PPFIA3: variants seen among roughly 807,000 people sequenced by gnomAD.
The protein encoded by PPFIA3 is PPFI scaffold protein A3, also known as liprin-alpha-3.
A neutral mutation model predicts 145.8 loss-of-function variants in PPFIA3; 26 were observed. The ratio of observed to expected loss-of-function variants is 0.18; its 90% CI spans 0.13 to 0.25. PPFIA3 has a LOEUF of 0.25. PPFIA3 is among the 10% of genes least tolerant of loss of function. The probability of loss-of-function intolerance (pLI) is 1.00; values close to 1 mark genes in which losing one functional copy is unlikely to be tolerated. For missense variants in PPFIA3, 1,008 were observed against 1,587.8 expected (o/e 0.63, Z 6.21); for synonymous variants, 645 against 661.4 (o/e 0.98, Z 0.38).
At chr19:49,146,397 T>C in intron 23 of PPFIA3, 1 of 640,992 alleles carries the variant, frequency 1.6e-6, no homozygotes, top group Non-Finnish European at 2.7e-6. Flanking sequence ...GCCCAGACTG[T>C]TGCATAGTCA....
intron 21 of PPFIA3, among the ~76,000 whole-genome samples, chr19:49,143,910 G>C (rs947371129): frequency 2.0e-4 from 31 of 152,116 alleles, no homozygotes; most frequent in Admixed American, 1.6e-3. Context: ...ATATCTTGGG[G>C]ATGGGAGCCA....
chr19:49,125,251 G>C (rs2040983136), intron 1 of PPFIA3: 1 of 152,492 alleles, frequency 6.6e-6, no homozygotes, highest in South Asian at 2.1e-4. Flanking sequence ...ACGGCCCTCA[G>C]GCCCTCCTCT....
Position 49,128,288 on chromosome 19 carries a change from C to A in PPFIA3, c.241-79C>A. 1 of 1,555,596 alleles carries A rather than the reference C, an allele frequency of 6.4e-7. No homozygotes were observed. The highest frequency in any genetic ancestry group is 8.9e-7 in the Non-Finnish European group (1 of 1,128,746). On this transcript the variant is annotated intron_variant, in intron 2 of 29. Transcript: ENST00000334186. This position sits in a 1 kb window ranked among gnomAD's most constrained non-coding sequence, Gnocchi z 4.1. ...GACTTAGCAGGGAGGGCGGGACCTT[C>A]AAACTTCCAGTCCCAGTGAATGAAG...
chr19:49,144,096 C>T (rs2122635340), intron 21 of PPFIA3, among the ~76,000 whole-genome samples: 1 of 152,150 alleles, frequency 6.6e-6, no homozygotes, highest in African/African-American at 2.4e-5. Flanking sequence ...ACCTCTGCCT[C>T]CTGGGTGCAA....
At position 49,133,280 on chromosome 19, in the gene PPFIA3, C is replaced by T; in HGVS notation, c.1070C>T (p.Ala357Val). 1 of 1,610,382 alleles carries T rather than the reference C, an allele frequency of 6.2e-7. No individual in the cohort carries two copies. The highest frequency in any genetic ancestry group is 8.5e-7 in the Non-Finnish European group (1 of 1,178,844). The change falls in exon 9 of 30, where the codon GCC (alanine) becomes GTC (valine). Residue 357 changes from alanine (A) to valine (V), a missense_variant. This residue lies in a region of PPFIA3 where 109 missense variants were observed against 198.1 expected (regional missense o/e 0.55). Coordinates refer to ENST00000334186, the MANE Select transcript of PPFIA3 (RefSeq NM_003660.4). The surrounding 1 kb of genome is among the most constrained non-coding windows in gnomAD (Gnocchi z 7.2). Reference protein sequence around the residue: ...SRQLAEWLDDAKQKLQQTLQK... With the variant: ...SRQLAEWLDDVKQKLQQTLQK... ...CAGCTGGCCGAGTGGTTGGACGACGCCAAGCAGAAGCTGCAGCAGACGCTG... is the reference window on the plus strand; with the variant it reads ...CAGCTGGCCGAGTGGTTGGACGACGTCAAGCAGAAGCTGCAGCAGACGCTG...
At position 49,148,264 on chromosome 19, in the gene PPFIA3, G is replaced by T. The variant is rs773603609; in HGVS notation, c.3011+6G>T. ...ATGGTGGACAGCTTTCACAGGTGGG[G>T]GCTGCCTGGCCAGTGGGGACAGTCC... On this transcript the variant is annotated splice_donor_region_variant and intron_variant, in intron 24 of 29. Transcript: ENST00000334186. The T allele has an allele frequency of 6.2e-7, 1 of 1,612,640 alleles. No individual in the cohort carries two copies. The highest frequency in any genetic ancestry group is 1.1e-5 in the South Asian group (1 of 90,858).
intron 21 of PPFIA3, among the ~76,000 whole-genome samples, chr19:49,143,941 T>G (rs1272012539): frequency 1.3e-5 from 2 of 152,196 alleles, no homozygotes; most frequent in African/African-American, 4.8e-5. Context: ...TGAAATTCAT[T>G]TATGTTTCAT....
intron 14 of PPFIA3, 91 bp downstream of exon 14, chr19:49,136,014 G>A: frequency 7.3e-7 from 1 of 1,369,428 alleles, no homozygotes; most frequent in Admixed American, 3.0e-5. Flanking sequence ...CCGGGAGGAA[G>A]CTGGGTTGAG....
chr19:49,150,352 T>C lies in PPFIA3; in HGVS notation c.*130T>C. On this transcript the variant is annotated 3_prime_UTR_variant, in exon 30 of 30. Coordinates refer to ENST00000334186, the MANE Select transcript of PPFIA3 (RefSeq NM_003660.4). ...AGCTCGCGCCGAGGACTGGACCATCTGTACAGACCAGCGGGAGTGCGCGCG... is the reference window on the plus strand; with the variant it reads ...AGCTCGCGCCGAGGACTGGACCATCCGTACAGACCAGCGGGAGTGCGCGCG... 1.9e-6 allele frequency: 1 copy of C among 536,862 alleles called. No individual in the cohort carries two copies. Among genetic ancestry groups the C allele is most frequent in the East Asian group, 3.2e-5 (1 of 31,176 alleles). The allele number at this position is 536,862 out of a possible 1,614,324, so 33.3% of individuals were successfully genotyped here. A position where few individuals can be genotyped will look rare whatever the true frequency, so the allele number is the denominator to read the frequency against.
In PPFIA3 at chr19:49,133,671, A is replaced by G. The variant is rs1459108365; in HGVS notation, c.1162-125A>G. 2.8e-6 allele frequency: 3 copies of G among 1,079,110 alleles called. No individual in the cohort carries two copies. The highest frequency in any genetic ancestry group is 1.6e-5 in the African/African-American group (1 of 63,960). The allele number at this position is 1,079,110 out of a possible 1,614,324, so 66.8% of individuals were successfully genotyped here. A position where few individuals can be genotyped will look rare whatever the true frequency, so the allele number is the denominator to read the frequency against. On this transcript the variant is annotated intron_variant, in intron 9 of 29. Transcript: ENST00000334186. The surrounding 1 kb of genome is among the most constrained non-coding windows in gnomAD (Gnocchi z 7.2). ...AGGCGCAGGGGCGGGGCCTGACTCAAAGGTGCAGGGGAGGAGCCTGGCGCT... is the reference window on the plus strand; with the variant it reads ...AGGCGCAGGGGCGGGGCCTGACTCAGAGGTGCAGGGGAGGAGCCTGGCGCT...
intron 21 of PPFIA3, among the ~76,000 whole-genome samples, chr19:49,144,912 CT>C (rs529172285): frequency 1.0e-4 from 15 of 149,716 alleles, no homozygotes; most frequent in Non-Finnish European, 2.2e-4. Context: ...TTGTTAATTT[CT>C]TTTTCTTTTC....
intron 1 of PPFIA3, among the ~76,000 whole-genome samples, chr19:49,121,259 C>T (rs1255049336): frequency 6.6e-6 from 1 of 152,212 alleles, no homozygotes; most frequent in Non-Finnish European, 1.5e-5. Flanking sequence ...GTGGCCTGGG[C>T]TCATAAGGAG....
At chr19:49,138,958 G>A (rs1474298564) in intron 16 of PPFIA3, among the ~76,000 whole-genome samples, 4 of 142,356 alleles carry the variant, frequency 2.8e-5, no homozygotes, top group Non-Finnish European at 6.3e-5. Flanking sequence ...GAGACAGAGT[G>A]AAACTGTGTC....
At chr19:49,121,323 ATTTAT>A (rs1174194964) in intron 1 of PPFIA3, among the ~76,000 whole-genome samples, 1 of 151,966 alleles carries the variant, frequency 6.6e-6, no homozygotes, top group Non-Finnish European at 1.5e-5. Flanking sequence ...TTATTTATTT[ATTTAT>A]TTTGAGACAA....
At position 49,133,498 on chromosome 19, in the gene PPFIA3, A is replaced by C; in HGVS notation, c.1161+127A>C. On this transcript the variant is annotated intron_variant, in intron 9 of 29. Transcript: ENST00000334186. This position sits in a 1 kb window ranked among gnomAD's most constrained non-coding sequence, Gnocchi z 7.2. ...GGATTTGGGGGAAAGGGTGGGGCCT[A>C]GGGGCTGGGAAAGGGACAGGACTTG... 2 of 1,035,774 alleles carry C rather than the reference A, an allele frequency of 1.9e-6. No individual in the cohort carries two copies. Among genetic ancestry groups the C allele is most frequent in the Non-Finnish European group, 2.6e-6 (2 of 764,666 alleles). 64.2% of individuals were successfully genotyped at this position (1,035,774 alleles called of 1,614,324 possible). A position where few individuals can be genotyped will look rare whatever the true frequency, so the allele number is the denominator to read the frequency against.
rs142390456 is a variant in PPFIA3, at chr19:49,136,458, G to A, written c.1666-266G>A. Among the ~76,000 whole-genome samples the A allele has an allele frequency of 1.3e-3, 203 of 152,260 alleles. 1 individual carries two copies. The highest frequency in any genetic ancestry group is 4.6e-3 in the African/African-American group (190 of 41,538). On this transcript the variant is annotated intron_variant, in intron 14 of 29. Transcript: ENST00000334186. ...GCAAAAATTAGCCGGGCGTGGTAGC[G>A]GGCGCCTGTAATCCCAGCTACTCAG...
At chr19:49,134,266 C>G in intron 11 of PPFIA3, 101 bp downstream of exon 11, 1 of 1,432,864 alleles carries the variant, frequency 7.0e-7, no homozygotes, top group East Asian at 2.3e-5. Context: ...TTATCGGAGG[C>G]CTCCCTAAAC....
chr19:49,122,922 C>T (rs902619507), intron 1 of PPFIA3, among the ~76,000 whole-genome samples: 1 of 151,192 alleles, frequency 6.6e-6, no homozygotes, highest in East Asian at 2.0e-4. Flanking sequence ...GGGGTATCAC[C>T]GTGTTAGCCA....
intron 7 of PPFIA3, among the ~76,000 whole-genome samples, chr19:49,131,028 A>AT (rs33934210): frequency 0.44 from 59,648 of 134,146 alleles, 13,793 homozygotes; most frequent in Non-Finnish European, 0.54. Context: ...TGCACCGCTA[A>AT]TTTTTTTTTT....
Sources: gnomAD v4.1 joint callset for allele counts (sites outside exome capture counted in the v4.1 genomes callset) on GRCh38, gnomAD v4.1.1 for gene constraint, gnomAD v4.1.1 regional missense constraint, Gnocchi (gnomAD v3.1) non-coding constraint, MANE v1.5 for transcripts, NCBI Gene and HGNC (gene_info 2026-07-23, HGNC 2026-07-21) for gene names.